Variants in LMBR1 observed in about 807,000 individuals in gnomAD.
The protein encoded by LMBR1 is limb development membrane protein 1, also known as limb region 1 protein homolog.
A neutral mutation model predicts 73.9 loss-of-function variants in LMBR1; 52 were observed. The ratio of observed to expected loss-of-function variants is 0.70; its 90% CI spans 0.56 to 0.89. The LOEUF (loss-of-function observed/expected upper bound fraction) is 0.89, where lower values mean the gene tolerates loss of function less well. Ranked by LOEUF, LMBR1 falls within the 40% of genes least tolerant of loss-of-function variation. LMBR1 has a pLI of 0.00. For missense variants in LMBR1, 539 were observed against 579.8 expected (o/e 0.93, Z 0.72); for synonymous variants, 215 against 209.4 (o/e 1.03, Z -0.23).
At chr7:156,881,554 G>C (rs1472258392) in intron 1 of LMBR1, among the ~76,000 whole-genome samples, 1 of 152,094 alleles carries the variant, frequency 6.6e-6, no homozygotes, top group African/African-American at 2.4e-5. Context: ...GGAAATGAGA[G>C]AAAATATCTA....
intron 1 of LMBR1, among the ~76,000 whole-genome samples, chr7:156,880,994 C>T (rs1032715048): frequency 1.3e-5 from 2 of 151,994 alleles, no homozygotes; most frequent in African/African-American, 4.8e-5. Flanking sequence ...AAAAATAATT[C>T]TAAAAGTCTT....
Position 156,684,050 on chromosome 7 carries a change from T to G in LMBR1, c.*28A>C. 2 of 1,573,002 alleles carry G rather than the reference T, an allele frequency of 1.3e-6. No homozygotes were observed. The highest frequency in any genetic ancestry group is 1.7e-6 in the Non-Finnish European group (2 of 1,143,814). ...GTGAATCTGGAGTTCTCGGGTCTCT[T>G]GGTGGCAGAAGACGCCGTCTGTGCG... On this transcript the variant is annotated 3_prime_UTR_variant, in exon 17 of 17. Transcript: ENST00000353442.
At chr7:156,689,704 G>A (rs1234751496) in intron 15 of LMBR1, among the ~76,000 whole-genome samples, 1 of 152,028 alleles carries the variant, frequency 6.6e-6, no homozygotes, top group African/African-American at 2.4e-5. Flanking sequence ...TTTTAAAAAG[G>A]TTAAAATGCA....
In LMBR1 at chr7:156,746,506, G is replaced by T. The variant is rs188081525; in HGVS notation, c.757+9887C>A. 1.3e-3 allele frequency among the ~76,000 whole-genome samples: 194 copies of T among 152,202 alleles called. 1 individual carries two copies. The highest frequency in any genetic ancestry group is 2.3e-3 in the Non-Finnish European group (158 of 67,976). On this transcript the variant is annotated intron_variant, in intron 9 of 16. Transcript: ENST00000353442. Reference sequence around the variant, plus strand: ...TCTTCAAAGGAAAATAACTAAAATGGCATTTCTGAAATGCTGTGCTTCTAT... The same window carrying T: ...TCTTCAAAGGAAAATAACTAAAATGTCATTTCTGAAATGCTGTGCTTCTAT...
intron 1 of LMBR1, among the ~76,000 whole-genome samples, chr7:156,838,580 T>C (rs1416373992): frequency 6.6e-6 from 1 of 152,262 alleles, no homozygotes; most frequent in Non-Finnish European, 1.5e-5. Context: ...AGTATTCCCT[T>C]GTGTATATAC....
At chr7:156,698,219 C>T (rs904673676) in intron 15 of LMBR1, among the ~76,000 whole-genome samples, 2 of 152,212 alleles carry the variant, frequency 1.3e-5, no homozygotes, top group Non-Finnish European at 2.9e-5. Flanking sequence ...AGCTCCACCC[C>T]TGTGGCTTTG....
chr7:156,738,791 C>A (rs1818369443), intron 9 of LMBR1, among the ~76,000 whole-genome samples: 1 of 152,064 alleles, frequency 6.6e-6, no homozygotes, highest in Non-Finnish European at 1.5e-5. Context: ...GACTAAAGAG[C>A]CCTTGGGCCC....
downstream of LMBR1, chr7:156,676,485 C>CGTGGGTGCGGTCAGT (rs777494830): frequency 5.6e-6 from 9 of 1,613,576 alleles, no homozygotes; most frequent in Middle Eastern, 3.3e-4. Context: ...TGGCGGTCAG[C>CGTGGGTGCGGTCAGT]GCGTGGGTGC....
chr7:156,813,425 C>T (rs1039484054), intron 4 of LMBR1, among the ~76,000 whole-genome samples: 3 of 152,118 alleles, frequency 2.0e-5, no homozygotes, highest in African/African-American at 4.8e-5. Flanking sequence ...ATATCCTTGC[C>T]CCTTGTTTAA....
At chr7:156,851,752 CA>C (rs1228835809) in intron 1 of LMBR1, among the ~76,000 whole-genome samples, 1 of 152,124 alleles carries the variant, frequency 6.6e-6, no homozygotes, top group Non-Finnish European at 1.5e-5. Flanking sequence ...AGGTATGAAA[CA>C]ATGTGCTTAT....
chr7:156,711,682 C>G (rs888589023), intron 15 of LMBR1, among the ~76,000 whole-genome samples: 2 of 151,780 alleles, frequency 1.3e-5, no homozygotes, highest in Non-Finnish European at 2.9e-5. Flanking sequence ...AATGGAGAAC[C>G]CAAAAATAAA....
chr7:156,803,020 A>G (rs1179086005), intron 4 of LMBR1, among the ~76,000 whole-genome samples: 1 of 152,226 alleles, frequency 6.6e-6, no homozygotes, highest in Non-Finnish European at 1.5e-5. Flanking sequence ...TTAAAGACTT[A>G]CATGTTAGAC....
At chr7:156,821,472 G>C (rs1054857820) in intron 4 of LMBR1, among the ~76,000 whole-genome samples, 1 of 152,246 alleles carries the variant, frequency 6.6e-6, no homozygotes, top group African/African-American at 2.4e-5. Flanking sequence ...GCAGATCTAT[G>C]GGCTGTACAT....
At chr7:156,698,475 G>A (rs1288550182) in intron 15 of LMBR1, among the ~76,000 whole-genome samples, 1 of 152,212 alleles carries the variant, frequency 6.6e-6, no homozygotes, top group Non-Finnish European at 1.5e-5. Flanking sequence ...TTCTGCCTGG[G>A]AACCCAGGTG....
intron 5 of LMBR1, among the ~76,000 whole-genome samples, chr7:156,771,040 A>G (rs961665424): frequency 6.6e-6 from 1 of 152,198 alleles, no homozygotes; most frequent in African/African-American, 2.4e-5. Context: ...ATGTCTGGCT[A>G]GAAAAATCAA....
At chr7:156,882,799 G>A (rs971613203) in intron 1 of LMBR1, among the ~76,000 whole-genome samples, 6 of 152,108 alleles carry the variant, frequency 3.9e-5, no homozygotes, top group South Asian at 2.1e-4. Flanking sequence ...CTGAGAGGCC[G>A]AGGCAGGCAG....
At position 156,802,462 on chromosome 7, in the gene LMBR1, A is replaced by T. The variant is rs889257148; in HGVS notation, c.320-5970T>A. ...AAACAAACAATATTACAATCCATAT[A>T]GCTAAATGTTAACAGGAAAAGACTC... On this transcript the variant is annotated intron_variant, in intron 4 of 16. Transcript: ENST00000353442. Among the ~76,000 whole-genome samples, 5 of 152,214 alleles carry T rather than the reference A, an allele frequency of 3.3e-5. 1 individual carries two copies. The highest frequency in any genetic ancestry group is 1.2e-4 in the African/African-American group (5 of 41,440).
intron 4 of LMBR1, among the ~76,000 whole-genome samples, chr7:156,803,497 A>C (rs1402620946): frequency 6.6e-6 from 1 of 152,168 alleles, no homozygotes; most frequent in Non-Finnish European, 1.5e-5. Context: ...AAAAGTCAGG[A>C]AACAACAGGT....
In LMBR1 at chr7:156,866,065, CAA is replaced by C. The variant is rs74275049; in HGVS notation, c.66+26861_66+26862del. The stretch of plus-strand genomic sequence containing the variant: ...CATATGACATTAAAATCTCAAAAGA[CAA>C]AAAAAAAAAAAAATAGAGAAACTGA... On this transcript the variant is annotated intron_variant, in intron 1 of 16. Coordinates refer to ENST00000353442, the MANE Select transcript of LMBR1 (RefSeq NM_022458.4). 1.9e-3 allele frequency among the ~76,000 whole-genome samples: 186 copies of C among 96,268 alleles called. 1 individual carries two copies. Among genetic ancestry groups the C allele is most frequent in the Middle Eastern group, 6.2e-3 (1 of 162 alleles). 63.2% of individuals were successfully genotyped at this position (96,268 alleles called of 152,430 possible).
Sources: gnomAD v4.1 joint callset for allele counts (sites outside exome capture counted in the v4.1 genomes callset) on GRCh38, gnomAD v4.1.1 for gene constraint, MANE v1.5 for transcripts, NCBI Gene and HGNC (gene_info 2026-07-23, HGNC 2026-07-21) for gene names.